The following B3GALNT2 variants were observed in gnomAD, a reference collection of about 807,000 sequenced individuals.
B3GALNT2 encodes the protein beta-1,3-N-acetylgalactosaminyltransferase 2, also known as UDP-GalNAc:beta-1,3-N-acetylgalactosaminyltransferase 2.
In B3GALNT2, 53 loss-of-function variants were observed where a neutral mutation model predicts 61.1. The ratio of observed to expected loss-of-function variants is 0.87; its 90% CI spans 0.70 to 1.09. B3GALNT2 has a LOEUF of 1.09. Ranked by LOEUF, B3GALNT2 falls within the 50% of genes least tolerant of loss-of-function variation. B3GALNT2 has a pLI of 0.00. For synonymous variants in B3GALNT2, 223 were observed against 237.4 expected (o/e 0.94, Z 0.56); for missense variants, 544 against 623.0 (o/e 0.87, Z 1.35).
chr1:235,461,507 GTTTTTTTTTTTTTTT>G (rs57611133), intron 7 of B3GALNT2, among the ~76,000 whole-genome samples: 1 of 63,352 alleles, frequency 1.6e-5, no homozygotes, highest in Non-Finnish European at 2.7e-5. Context: ...ATGACCTCCT[GTTTTTTTTTTTTTTT>G]TTTTTTTTTT....
the B3GALNT2 span, chr1:235,441,692 A>G: frequency 1.2e-6 from 1 of 837,670 alleles, no homozygotes; most frequent in Non-Finnish European, 2.0e-6. Flanking sequence ...AGGCAGCTCC[A>G]TGTGTCCTGG....
chr1:235,455,861 C>T (rs1240720885), intron 8 of B3GALNT2, among the ~76,000 whole-genome samples, 177 bp from the exon 9 acceptor site: 1 of 152,202 alleles, frequency 6.6e-6, no homozygotes, highest in Non-Finnish European at 1.5e-5. Context: ...AAGGCCATCA[C>T]TTGGTCTTTA....
intron 11 of B3GALNT2, 49 bp from the exon 12 acceptor site, chr1:235,450,389 A>G: frequency 6.3e-7 from 1 of 1,592,576 alleles, no homozygotes; most frequent in South Asian, 1.1e-5. Flanking sequence ...AACTGTTTTA[A>G]GAGCATCAGA....
rs533015778 is a variant in B3GALNT2 at position 235,447,522 on chromosome 1, A to ATGAT, written c.*2680_*2683dup. ...TTGTGTATGTTTAATACAGTTACACATGATGTAATTACAGAATGGCGGCGC... is the reference window on the plus strand; with the variant it reads ...TTGTGTATGTTTAATACAGTTACACATGATTGATGTAATTACAGAATGGCGGCGC... On this transcript the variant is annotated 3_prime_UTR_variant, in exon 12 of 12. Transcript: ENST00000366600. Among the ~76,000 whole-genome samples the ATGAT allele has an allele frequency of 7.1e-4, 108 of 152,356 alleles. No individual in the cohort carries two copies. The highest frequency in any genetic ancestry group is 2.4e-3 in the African/African-American group (99 of 41,580).
Position 235,448,675 on chromosome 1 carries a change from G to A in B3GALNT2, c.*1531C>T, listed in dbSNP as rs148233223. 1.7e-4 allele frequency: 280 copies of A among 1,613,568 alleles called. No individual in the cohort carries two copies. In the African/African-American group the frequency reaches 2.3e-3, roughly 13 times the overall value. On this transcript the variant is annotated 3_prime_UTR_variant, in exon 12 of 12. Coordinates refer to ENST00000366600, the MANE Select transcript of B3GALNT2 (RefSeq NM_152490.5). Reference sequence around the variant, plus strand: ...CACCTTCGTTCTAATTTTAGAAGCCGGGCAGAGAAATCGAGCTGGAAAATG... The same window carrying A: ...CACCTTCGTTCTAATTTTAGAAGCCAGGCAGAGAAATCGAGCTGGAAAATG...
intron 4 of B3GALNT2, among the ~76,000 whole-genome samples, chr1:235,480,905 C>CAAAAAAAA (rs55666590): frequency 9.6e-5 from 3 of 31,172 alleles, no homozygotes; most frequent in African/African-American, 2.7e-4. Flanking sequence ...GACTCTGTCT[C>CAAAAAAAA]AAAAAAAAAA....
At position 235,448,693 on chromosome 1, in the gene B3GALNT2, G is replaced by A. The variant is rs773529565; in HGVS notation, c.*1513C>T. ...AGAAGCCGGGCAGAGAAATCGAGCT[G>A]GAAAATGACCTAAAGTCATTACAGT... On this transcript the variant is annotated 3_prime_UTR_variant, in exon 12 of 12. Coordinates refer to ENST00000366600, the MANE Select transcript of B3GALNT2 (RefSeq NM_152490.5). 1.2e-6 allele frequency: 2 copies of A among 1,614,004 alleles called. No individual in the cohort carries two copies. The highest frequency in any genetic ancestry group is 2.2e-5 in the East Asian group (1 of 44,884).
Position 235,504,205 on chromosome 1 carries a change from CGCG to C in B3GALNT2, c.45_47del (p.Ala16del). ...AGCGCAGCCGCAGCCAGAGGTGCAGCGCGGCCCCGAGCACACACGGGCACAGCA... is the reference window on the plus strand; with the variant it reads ...AGCGCAGCCGCAGCCAGAGGTGCAGCGCCCCGAGCACACACGGGCACAGCA... On this transcript the variant is annotated inframe_deletion, in exon 1 of 12. Coordinates refer to ENST00000366600, the MANE Select transcript of B3GALNT2 (RefSeq NM_152490.5). The C allele has an allele frequency of 1.4e-6, 2 of 1,433,676 alleles. No individual in the cohort carries two copies. Among genetic ancestry groups the C allele is most frequent in the South Asian group, 2.7e-5 (2 of 72,770 alleles). 88.8% of individuals were successfully genotyped at this position (1,433,676 alleles called of 1,614,324 possible).
intron 2 of B3GALNT2, among the ~76,000 whole-genome samples, chr1:235,491,192 T>C (rs1685051241): frequency 1.3e-5 from 2 of 152,218 alleles, no homozygotes; most frequent in Non-Finnish European, 2.9e-5. Context: ...TGACATATCT[T>C]AGTTGTCACT....
chr1:235,474,987 A>ATATATATATATAT (rs1180244284), intron 5 of B3GALNT2, among the ~76,000 whole-genome samples: 3 of 35,578 alleles, frequency 8.4e-5, no homozygotes, highest in African/African-American at 1.1e-4. Context: ...ATATATATAT[A>ATATATATATATAT]TTTTTTTTTT....
intron 5 of B3GALNT2, among the ~76,000 whole-genome samples, chr1:235,473,367 G>A (rs1684095203): frequency 6.6e-6 from 1 of 152,216 alleles, no homozygotes; most frequent in South Asian, 2.1e-4. Context: ...GATAGAGTTT[G>A]GAAGGATTGA....
At position 235,487,184 on chromosome 1, in the gene B3GALNT2, C is replaced by T. The variant is rs895395094; in HGVS notation, c.361+1984G>A. ...CTCCAAAAAAAAAAAAAAGACAAGA[C>T]TCCAGTGAAAGCCAAAGGACTTTCT... On this transcript the variant is annotated intron_variant, in intron 3 of 11. Transcript: ENST00000366600. Among the ~76,000 whole-genome samples, 3 of 150,122 alleles carry T rather than the reference C, an allele frequency of 2.0e-5. No homozygotes were observed. In the East Asian group the frequency reaches 5.8e-4, roughly 29 times the overall value.
At chr1:235,470,996 T>C (rs576981368) in intron 5 of B3GALNT2, 36 bp from the exon 6 acceptor site, 2 of 1,606,748 alleles carry the variant, frequency 1.2e-6, no homozygotes, top group African/African-American at 2.7e-5. Flanking sequence ...TCAATTTCCT[T>C]ATTGCTGTCA....
chr1:235,450,848 T>C (rs1173320293), intron 11 of B3GALNT2: 1 of 152,802 alleles, frequency 6.5e-6, no homozygotes, highest in Non-Finnish European at 1.5e-5. Context: ...GGCTGGTAAA[T>C]GAAGAGGAGG....
At chr1:235,500,013 C>A (rs1685514746) in intron 1 of B3GALNT2, among the ~76,000 whole-genome samples, 1 of 152,154 alleles carries the variant, frequency 6.6e-6, no homozygotes, top group African/African-American at 2.4e-5. Flanking sequence ...GGTGAGAATG[C>A]AAGGCCAGAG....
chr1:235,440,002 G>T, the B3GALNT2 span, among the ~76,000 whole-genome samples: 1 of 151,518 alleles, frequency 6.6e-6, no homozygotes, highest in African/African-American at 2.4e-5. Flanking sequence ...ACGGAGCCTC[G>T]CTCTGTCGCC....
At chr1:235,444,441 C>T (rs1229568584), downstream of B3GALNT2, among the ~76,000 whole-genome samples, 1 of 152,096 alleles carries the variant, frequency 6.6e-6, no homozygotes, top group African/African-American at 2.4e-5. Context: ...CTGTCACTCA[C>T]GCTGGAGTGC....
intron 6 of B3GALNT2, among the ~76,000 whole-genome samples, chr1:235,467,946 A>G (rs895424415): frequency 4.0e-5 from 6 of 150,730 alleles, no homozygotes; most frequent in African/African-American, 1.5e-4. Flanking sequence ...CGCCTGGCTA[A>G]TTTTTATATT....
chr1:235,497,333 T>C (rs1006415984), intron 1 of B3GALNT2, among the ~76,000 whole-genome samples: 4 of 152,206 alleles, frequency 2.6e-5, no homozygotes, highest in Non-Finnish European at 1.5e-5. Flanking sequence ...CAGCCAAGAT[T>C]TTGCATTACG....
Sources: allele counts gnomAD v4.1 joint callset (sites outside exome capture counted in the v4.1 genomes callset), GRCh38; gene constraint gnomAD v4.1.1; transcripts MANE v1.5; gene names NCBI Gene and HGNC (gene_info 2026-07-23, HGNC 2026-07-21).